Variants in MYOM1 observed in about 807,000 individuals in gnomAD.
MYOM1 encodes myomesin-1.
A neutral mutation model predicts 205.3 loss-of-function variants in MYOM1; 164 were observed. The ratio of observed to expected loss-of-function variants is 0.80; its 90% confidence interval spans 0.70 to 0.91. The LOEUF (loss-of-function observed/expected upper bound fraction) is 0.91, where lower values mean the gene tolerates loss of function less well. Ranked by LOEUF, MYOM1 falls within the 40% of genes least tolerant of loss-of-function variation. The probability of loss-of-function intolerance (pLI) is 0.00; values close to 1 mark genes in which losing one functional copy is unlikely to be tolerated. For synonymous variants in MYOM1, 772 were observed against 789.4 expected, an observed-to-expected ratio of 0.98 and a Z score of 0.37; for missense variants, 2,011 against 2,127.3, an observed-to-expected ratio of 0.95 and a Z score of 1.08.
chr18:3,099,905 G>A (rs1248652911), intron 25 of MYOM1, among the ~76,000 whole-genome samples: 2 of 152,210 alleles, frequency 1.3e-5, no homozygotes, highest in African/African-American at 4.8e-5. Flanking sequence ...TTACACCTGT[G>A]TAGCCTGACA....
chr18:3,083,858 G>C lies in MYOM1; in HGVS notation c.4415C>G (p.Ala1472Gly), dbSNP rs2143683130. 1 of 1,583,612 alleles carries C rather than the reference G, an allele frequency of 6.3e-7. No homozygotes were observed. Among genetic ancestry groups the C allele is most frequent in the Non-Finnish European group, 8.6e-7 (1 of 1,163,494 alleles). Residue 1472 changes from alanine (A) to glycine (G), a missense_variant, in exon 33 of 38, where the codon GCC (alanine) becomes GGC (glycine). Transcript: ENST00000356443. ...AAAAGAGTACAGTTGGATGCCCTCG[G>C]CTGTGCTCTGGATTTTCAGGTCTGT... ...SATDLKIQST[A>G]EGIQLYSFVT...
At chr18:3,071,794 T>C (rs1247490145) in intron 37 of MYOM1, 40 bp downstream of exon 37, 1 of 1,570,738 alleles carries the variant, frequency 6.4e-7, no homozygotes, top group South Asian at 1.2e-5. Context: ...AACCTGTTCA[T>C]AGTGCAGAAG....
At chr18:3,089,514 C>A in intron 28 of MYOM1, 23 bp downstream of exon 28, 1 of 1,582,450 alleles carries the variant, frequency 6.3e-7, no homozygotes, top group Non-Finnish European at 8.6e-7. Flanking sequence ...AAAATTTTCT[C>A]TTTATCCACG....
chr18:3,125,492 G>A (rs72858697), intron 19 of MYOM1, among the ~76,000 whole-genome samples: 1,946 of 151,320 alleles, frequency 0.013, 27 homozygotes, highest in South Asian at 0.052. Context: ...AGTGGCTCAC[G>A]CTTGTAATCC....
chr18:3,095,599 T>C (rs781413830), intron 25 of MYOM1, among the ~76,000 whole-genome samples: 4 of 152,262 alleles, frequency 2.6e-5, no homozygotes, highest in African/African-American at 4.8e-5. Flanking sequence ...AATGTAAATA[T>C]AGTAAGAGAA....
In MYOM1 at chr18:3,149,144, C is replaced by T. The variant is rs370882551; in HGVS notation, c.1900+1G>A. 1.9e-6 allele frequency: 3 copies of T among 1,613,598 alleles called. No homozygotes were observed. Among genetic ancestry groups the T allele is most frequent in the African/African-American group, 1.3e-5 (1 of 74,904 alleles). The stretch of plus-strand genomic sequence containing the variant: ...GTATCTGGGGCAACCAGACTTCTTA[C>T]CTGAAGGTTCCTCTTCAGTAACAAT... On this transcript the variant is annotated splice_donor_variant, in intron 13 of 37. Coordinates refer to ENST00000356443, the MANE Select transcript of MYOM1 (RefSeq NM_003803.4). LOFTEE classifies it high-confidence loss of function.
chr18:3,183,909 C>CTCTCT (rs552298562), intron 5 of MYOM1, among the ~76,000 whole-genome samples: 6 of 143,436 alleles, frequency 4.2e-5, no homozygotes, highest in African/African-American at 1.0e-4. Flanking sequence ...CGTTCTCTCT[C>CTCTCT]TTTTTTTTTT....
intron 22 of MYOM1, among the ~76,000 whole-genome samples, chr18:3,103,130 G>C (rs2079403379): frequency 6.6e-6 from 1 of 152,174 alleles, no homozygotes; most frequent in Non-Finnish European, 1.5e-5. Context: ...AAATTGAATG[G>C]GAGAAAGTAG....
At position 3,129,488 on chromosome 18, in the gene MYOM1, T is replaced by G. The variant is rs767985668; in HGVS notation, c.2538A>C (p.Ala846=). ...TTAGTCCACCAGGCTCATCGCTCAG[T>G]GCGGGACACACATCTGGAGACACTC... The part of the protein sequence containing the change: ...GGGVSPDVCP[A]LSDEPGGLTA... The change falls in exon 18 of 38, where the codon GCA becomes GCC. Residue 846 remains alanine (A), a synonymous_variant. Transcript: ENST00000356443. 2 of 1,613,576 alleles carry G rather than the reference T, an allele frequency of 1.2e-6. No homozygotes were observed. The highest frequency in any genetic ancestry group is 1.7e-6 in the Non-Finnish European group (2 of 1,179,678).
chr18:3,224,290 G>A (rs561454478), upstream of MYOM1, among the ~76,000 whole-genome samples: 1 of 152,256 alleles, frequency 6.6e-6, no homozygotes, highest in Admixed American at 6.5e-5. Flanking sequence ...CCAAAGTTCT[G>A]GGATTACAGG....
intron 14 of MYOM1, among the ~76,000 whole-genome samples, chr18:3,141,508 C>T (rs187725027): frequency 5.5e-4 from 84 of 152,294 alleles, no homozygotes; most frequent in African/African-American, 1.8e-3. Flanking sequence ...GAGAGTATTG[C>T]CCCTTCTCCG....
chr18:3,188,461 A>AAAAACAAAC (rs1555628403), intron 4 of MYOM1, among the ~76,000 whole-genome samples: 2 of 150,608 alleles, frequency 1.3e-5, no homozygotes, highest in African/African-American at 4.9e-5. Flanking sequence ...TACCAGAAAA[A>AAAAACAAAC]AAAAAACAAC....
intron 10 of MYOM1, among the ~76,000 whole-genome samples, chr18:3,159,722 C>T (rs1276129587): frequency 1.3e-5 from 2 of 151,966 alleles, no homozygotes; most frequent in Non-Finnish European, 2.9e-5. Context: ...CCAAAGAAGG[C>T]CGACATAAAA....
At chr18:3,162,323 G>T (rs1281520957) in intron 10 of MYOM1, among the ~76,000 whole-genome samples, 2 of 151,988 alleles carry the variant, frequency 1.3e-5, no homozygotes, top group African/African-American at 4.8e-5. Context: ...ATCATCCCCG[G>T]GGCCAGATAC....
intron 14 of MYOM1, among the ~76,000 whole-genome samples, chr18:3,140,088 T>G (rs2080026235): frequency 6.6e-6 from 1 of 152,150 alleles, no homozygotes. Flanking sequence ...ACCACTCTAT[T>G]TTTGCCATCT....
chr18:3,077,816 T>C (rs976110602), intron 34 of MYOM1, among the ~76,000 whole-genome samples: 1 of 152,154 alleles, frequency 6.6e-6, no homozygotes, highest in African/African-American at 2.4e-5. Flanking sequence ...ACTGTGCACT[T>C]GTGATGCAGG....
chr18:3,085,815 C>A (rs899212753), intron 30 of MYOM1, among the ~76,000 whole-genome samples: 1 of 152,148 alleles, frequency 6.6e-6, no homozygotes, highest in African/African-American at 2.4e-5. Flanking sequence ...ATAAAAGCAA[C>A]TCAGAAAAGC....
chr18:3,078,580 C>A (rs2079047217), intron 34 of MYOM1, among the ~76,000 whole-genome samples: 1 of 152,104 alleles, frequency 6.6e-6, no homozygotes, highest in African/African-American at 2.4e-5. Flanking sequence ...TAGGCATATG[C>A]TACCACACTT....
chr18:3,205,721 G>A (rs549693498), intron 2 of MYOM1, among the ~76,000 whole-genome samples: 85 of 152,262 alleles, frequency 5.6e-4, no homozygotes, highest in African/African-American at 1.9e-3. Context: ...GAAAGTGCAC[G>A]AGAAAGTTTA....
Sources: allele counts gnomAD v4.1 joint callset (sites outside exome capture counted in the v4.1 genomes callset), GRCh38; gene constraint gnomAD v4.1.1; transcripts MANE v1.5; gene names NCBI Gene and HGNC (gene_info 2026-07-23, HGNC 2026-07-21).